The following RP2 variants were observed in gnomAD, a reference collection of about 807,000 sequenced individuals.
The protein encoded by RP2 is protein XRP2.
Under a neutral mutation model 20.3 loss-of-function variants are expected in RP2, and 3 were observed. The observed-to-expected ratio is 0.15, with a 90% confidence interval of 0.07 to 0.38. The LOEUF (loss-of-function observed/expected upper bound fraction) is 0.38. RP2 is among the 10% of genes least tolerant of loss of function. The probability of loss-of-function intolerance (pLI) is 1.00; values close to 1 mark genes in which losing one functional copy is unlikely to be tolerated. For missense variants in RP2, 233 were observed against 268.5 expected (o/e 0.87, Z 0.92); for synonymous variants, 75 against 94.8 (o/e 0.79, Z 1.22).
intron 3 of RP2, among the ~76,000 whole-genome samples, chrX:46,872,646 G>A (rs1274986658): frequency 9.0e-6 from 1 of 111,564 alleles, no homozygotes; most frequent in African/African-American, 3.3e-5. Context: ...TGTCATTATT[G>A]TCATATATTA....
intron 2 of RP2, among the ~76,000 whole-genome samples, chrX:46,858,232 T>C (rs1415239262): frequency 1.8e-5 from 2 of 111,754 alleles, no homozygotes; most frequent in African/African-American, 6.5e-5. Context: ...AGCAGGGTTT[T>C]CTTTTTTTGT....
At chrX:46,879,134 G>T (rs782648235) in intron 4 of RP2, among the ~76,000 whole-genome samples, 1 of 105,635 alleles carries the variant, frequency 9.5e-6, no homozygotes, top group Non-Finnish European at 1.9e-5. Context: ...CAGCTACTTG[G>T]GGGGCTGAGG....
chrX:46,843,720 T>C (rs1283016919), intron 1 of RP2, among the ~76,000 whole-genome samples: 1 of 112,242 alleles, frequency 8.9e-6, no homozygotes, highest in Admixed American at 9.5e-5. Context: ...TGTTGTTATA[T>C]ATTTCACAAA....
intron 4 of RP2, 81 bp downstream of exon 4, chrX:46,877,671 C>T: frequency 1.4e-6 from 1 of 701,621 alleles, no homozygotes; most frequent in Admixed American, 2.4e-5. Context: ...TACTTTAATA[C>T]TTTTGTCCCT....
At chrX:46,877,120 C>T (rs192432377) in intron 3 of RP2, among the ~76,000 whole-genome samples, 1 of 111,966 alleles carries the variant, frequency 8.9e-6, no homozygotes. Flanking sequence ...GGCTGCCTGG[C>T]AAAACCTACT....
At chrX:46,872,884 T>C (rs1569532312) in intron 3 of RP2, among the ~76,000 whole-genome samples, 1 of 110,360 alleles carries the variant, frequency 9.1e-6, no homozygotes, top group Non-Finnish European at 1.9e-5. Context: ...ACTACAGACA[T>C]GGGCTACTAC....
At chrX:46,859,282 A>G (rs1050220068) in intron 2 of RP2, among the ~76,000 whole-genome samples, 1 of 110,665 alleles carries the variant, frequency 9.0e-6, no homozygotes, top group African/African-American at 3.3e-5. Context: ...CAGGAGTTCA[A>G]GATCAGCCTG....
chrX:46,863,444 A>G (rs1203589204), intron 3 of RP2, among the ~76,000 whole-genome samples: 1 of 112,200 alleles, frequency 8.9e-6, no homozygotes, highest in Non-Finnish European at 1.9e-5. Context: ...AAGTTGGGGA[A>G]AACTTTTAAG....
At chrX:46,849,682 T>C (rs1556317811) in intron 1 of RP2, among the ~76,000 whole-genome samples, 1 of 112,438 alleles carries the variant, frequency 8.9e-6, no homozygotes, top group African/African-American at 3.2e-5. Flanking sequence ...AGCTATAAAA[T>C]CTTTAGCTAT....
At chrX:46,839,702 C>T (rs1602343445) in intron 1 of RP2, among the ~76,000 whole-genome samples, 2 of 111,575 alleles carry the variant, frequency 1.8e-5, no homozygotes, top group African/African-American at 6.5e-5. Context: ...TTCAGTTGTA[C>T]CTTAAAAGGA....
At chrX:46,873,585 A>G (rs1556327167) in intron 3 of RP2, among the ~76,000 whole-genome samples, 32 of 111,947 alleles carry the variant, frequency 2.9e-4, no homozygotes, top group Non-Finnish European at 5.5e-4. Flanking sequence ...TTTGTTTAAT[A>G]CATATGAAAA....
chrX:46,848,688 T>C (rs1475263736), intron 1 of RP2, among the ~76,000 whole-genome samples: 1 of 109,285 alleles, frequency 9.2e-6, no homozygotes, highest in East Asian at 2.9e-4. Context: ...CTGGCCACTT[T>C]CCTTGATTTT....
At chrX:46,852,307 G>A (rs781800798) in intron 1 of RP2, among the ~76,000 whole-genome samples, 13 of 111,733 alleles carry the variant, frequency 1.2e-4, no homozygotes, top group Non-Finnish European at 5.6e-5. Context: ...AGAAAGGAGC[G>A]AAAGAAGGAG....
intron 1 of RP2, among the ~76,000 whole-genome samples, chrX:46,846,008 C>T (rs113771701): frequency 1.8e-5 from 2 of 111,321 alleles, no homozygotes; most frequent in Non-Finnish European, 3.8e-5. Flanking sequence ...TCAGGTGATC[C>T]GCCCACCTTG....
intron 1 of RP2, among the ~76,000 whole-genome samples, chrX:46,852,306 C>T (rs192205380): frequency 3.4e-3 from 374 of 110,752 alleles, no homozygotes; most frequent in Non-Finnish European, 5.9e-3. Context: ...AAGAAAGGAG[C>T]GAAAGAAGGA....
At chrX:46,864,833 G>A (rs1199963783) in intron 3 of RP2, among the ~76,000 whole-genome samples, 1 of 111,793 alleles carries the variant, frequency 8.9e-6, no homozygotes, top group African/African-American at 3.2e-5. Flanking sequence ...TTTTGTTTTA[G>A]GGAGTAATTC....
At chrX:46,877,620 C>G (rs1489694047) in intron 4 of RP2, 30 bp downstream of exon 4, 1 of 982,279 alleles carries the variant, frequency 1.0e-6, no homozygotes, top group East Asian at 3.1e-5. Flanking sequence ...GTATTTCAAT[C>G]TAACTTTTCA....
At chrX:46,860,763 T>A (rs1180131295) in intron 3 of RP2, among the ~76,000 whole-genome samples, 1 of 111,997 alleles carries the variant, frequency 8.9e-6, no homozygotes, top group East Asian at 2.8e-4. Flanking sequence ...TCAAGGCTCA[T>A]CAGGCTTTCC....
rs1925378484 is a variant in RP2 at position 46,876,695 on chromosome X, G to T, written c.884-810G>T. 2.7e-5 allele frequency among the ~76,000 whole-genome samples: 3 copies of T among 109,764 alleles called. No homozygotes were observed. The Admixed American group carries it at 2.9e-4, about 11-fold the overall frequency. On this transcript the variant is annotated intron_variant, in intron 3 of 4. Coordinates refer to ENST00000218340, the MANE Select transcript of RP2 (RefSeq NM_006915.3). ...GTGTAACCTTTTCTTTCTCATTCTTGTACCTTGTACTGCAGCACACGGTTA... is the reference window on the plus strand; with the variant it reads ...GTGTAACCTTTTCTTTCTCATTCTTTTACCTTGTACTGCAGCACACGGTTA...
Sources: gnomAD v4.1 joint callset for allele counts (sites outside exome capture counted in the v4.1 genomes callset) on GRCh38, gnomAD v4.1.1 for gene constraint, MANE v1.5 for transcripts, NCBI Gene and HGNC (gene_info 2026-07-23, HGNC 2026-07-21) for gene names.